TBC1D5: variants seen among roughly 807,000 people sequenced by gnomAD.
TBC1D5 encodes TBC1 domain family, member 5.
TBC1D5 carries 75 observed loss-of-function variants against 100.3 expected under a neutral mutation model. The ratio of observed to expected loss-of-function variants is 0.75; its 90% CI spans 0.62 to 0.91. The LOEUF is 0.91. TBC1D5 is among the 40% of genes least tolerant of loss of function. The pLI is 0.00. For missense variants in TBC1D5, 910 were observed against 942.4 expected (o/e 0.97, Z 0.45); for synonymous variants, 323 against 325.6 (o/e 0.99, Z 0.09).
intron 1 of TBC1D5, among the ~76,000 whole-genome samples, chr3:17,635,856 C>G (rs7619879): frequency 0.068 from 10,333 of 152,042 alleles, 705 homozygotes; most frequent in African/African-American, 0.18. Context: ...CCAAAATGAA[C>G]AAAGAAATGG....
At chr3:17,255,987 G>C (rs1006792872) in intron 16 of TBC1D5, among the ~76,000 whole-genome samples, 6 of 152,194 alleles carry the variant, frequency 3.9e-5, no homozygotes, top group Non-Finnish European at 5.9e-5. Flanking sequence ...AGTAAGCCGA[G>C]ATTGCGCCAC....
At chr3:17,430,531 T>G (rs1358785328) in intron 3 of TBC1D5, among the ~76,000 whole-genome samples, 1 of 151,806 alleles carries the variant, frequency 6.6e-6, no homozygotes, top group Non-Finnish European at 1.5e-5. Flanking sequence ...AAAAAGCAGT[T>G]TTTCTTTCTC....
rs79246795 is a variant in TBC1D5, at chr3:17,644,971, T to C, written c.-100-21058A>G. The stretch of plus-strand genomic sequence containing the variant: ...AACAAAACACTCTTGGTCTAAAGCA[T>C]GGCCATGAGCAAGATTTTATTTAAG... On this transcript the variant is annotated intron_variant, in intron 1 of 21. Coordinates refer to ENST00000253692, the Ensembl canonical transcript of TBC1D5. Among the ~76,000 whole-genome samples the C allele has an allele frequency of 9.2e-3, 1,407 of 152,222 alleles. 14 individuals are homozygous for C. The highest frequency in any genetic ancestry group is 0.016 in the South Asian group (76 of 4,828).
At chr3:17,386,673 T>C (rs568163520) in intron 8 of TBC1D5, among the ~76,000 whole-genome samples, 1 of 152,270 alleles carries the variant, frequency 6.6e-6, no homozygotes, top group Non-Finnish European at 1.5e-5. Context: ...CTGTTATCTG[T>C]ATGTCACTTT....
chr3:17,452,961 T>C (rs1475533656), intron 3 of TBC1D5, among the ~76,000 whole-genome samples: 1 of 151,758 alleles, frequency 6.6e-6, no homozygotes, highest in African/African-American at 2.4e-5. Context: ...ATCAAGCATC[T>C]TCTCTAACCA....
At chr3:17,532,798 G>C (rs1242482396) in intron 2 of TBC1D5, among the ~76,000 whole-genome samples, 2 of 149,556 alleles carry the variant, frequency 1.3e-5, no homozygotes, top group African/African-American at 5.0e-5. Context: ...AGAACTCATG[G>C]ACACAGGAAG....
intron 3 of TBC1D5, among the ~76,000 whole-genome samples, chr3:17,476,448 T>A (rs1208788973): frequency 6.6e-6 from 1 of 152,020 alleles, no homozygotes; most frequent in Non-Finnish European, 1.5e-5. Flanking sequence ...TATTTGGTTT[T>A]CATGTAAGTT....
chr3:17,583,216 T>C (rs138074221), intron 2 of TBC1D5, among the ~76,000 whole-genome samples: 2,534 of 152,058 alleles, frequency 0.017, 52 homozygotes, highest in South Asian at 0.048. Context: ...GCCTAGGAGG[T>C]AGAGGTTGCA....
chr3:17,699,505 G>T (rs1213742481), intron 1 of TBC1D5, among the ~76,000 whole-genome samples: 1 of 140,216 alleles, frequency 7.1e-6, no homozygotes, highest in African/African-American at 2.6e-5. Context: ...TAACTAACCT[G>T]CACATTGTGC....
At chr3:17,343,383 G>C (rs962347452) in intron 13 of TBC1D5, among the ~76,000 whole-genome samples, 20 of 151,946 alleles carry the variant, frequency 1.3e-4, no homozygotes, top group Admixed American at 2.6e-4. Flanking sequence ...ATTTTATTGA[G>C]GATTTTCGCA....
At chr3:17,366,333 A>C (rs947459215) in intron 13 of TBC1D5, among the ~76,000 whole-genome samples, 109 of 151,762 alleles carry the variant, frequency 7.2e-4, no homozygotes, top group African/African-American at 2.4e-3. Flanking sequence ...AAAAACAAAC[A>C]AAAAAAAGGA....
At chr3:17,587,234 C>G (rs2096738458) in intron 2 of TBC1D5, among the ~76,000 whole-genome samples, 1 of 151,844 alleles carries the variant, frequency 6.6e-6, no homozygotes, top group Non-Finnish European at 1.5e-5. Context: ...ACTGGGCTAT[C>G]TAATTTAAGT....
chr3:17,443,734 G>A (rs2094718413), intron 3 of TBC1D5, among the ~76,000 whole-genome samples: 1 of 151,986 alleles, frequency 6.6e-6, no homozygotes, highest in Non-Finnish European at 1.5e-5. Flanking sequence ...AGAACCAAAT[G>A]GAAATCTTAG....
intron 2 of TBC1D5, among the ~76,000 whole-genome samples, chr3:17,607,230 C>T (rs893728107): frequency 6.6e-6 from 1 of 151,848 alleles, no homozygotes; most frequent in Non-Finnish European, 1.5e-5. Flanking sequence ...ATACAAATTG[C>T]AGTTTAAAAT....
At chr3:17,170,828 G>A (rs1293627203) in intron 19 of TBC1D5, among the ~76,000 whole-genome samples, 3 of 152,166 alleles carry the variant, frequency 2.0e-5, no homozygotes, top group Admixed American at 6.5e-5. Context: ...AGGGAGAAGA[G>A]ACAGAGTAGA....
chr3:17,198,209 T>C (rs183436001), intron 18 of TBC1D5, among the ~76,000 whole-genome samples: 33 of 152,336 alleles, frequency 2.2e-4, no homozygotes, highest in Non-Finnish European at 2.9e-4. Flanking sequence ...TTGTTCTTTA[T>C]AGGGGCTAGG....
intron 19 of TBC1D5, among the ~76,000 whole-genome samples, chr3:17,168,787 T>C (rs1359397236): frequency 1.3e-5 from 2 of 152,158 alleles, no homozygotes; most frequent in African/African-American, 4.8e-5. Context: ...TTATTCTTGG[T>C]GGCGTAAAAA....
intron 18 of TBC1D5, 74 bp downstream of exon 19, chr3:17,214,133 A>T (rs2073326674): frequency 6.8e-7 from 1 of 1,480,340 alleles, no homozygotes; most frequent in East Asian, 2.4e-5. Flanking sequence ...CTGGGCACTA[A>T]CAGAGCTTTC....
At chr3:17,376,181 TA>T (rs1187046168) in intron 10 of TBC1D5, among the ~76,000 whole-genome samples, 4 of 151,996 alleles carry the variant, frequency 2.6e-5, no homozygotes, top group Non-Finnish European at 4.4e-5. Context: ...CAACTTGGAG[TA>T]AAAAATGGAT....
Sources: allele counts gnomAD v4.1 joint callset (sites outside exome capture counted in the v4.1 genomes callset), GRCh38; gene constraint gnomAD v4.1.1; transcripts MANE v1.5; gene names NCBI Gene and HGNC (gene_info 2026-07-23, HGNC 2026-07-21).